Variants in QPRT observed in about 807,000 individuals in gnomAD.
QPRT encodes nicotinate-nucleotide pyrophosphorylase [carboxylating].
A neutral mutation model predicts 19.8 loss-of-function variants in QPRT; 17 were observed. The observed-to-expected ratio is 0.86, with a 90% confidence interval of 0.59 to 1.29. The LOEUF (loss-of-function observed/expected upper bound fraction) is 1.29. QPRT is among the 50% of genes most tolerant of loss of function. The probability of loss-of-function intolerance (pLI) is 0.00; values close to 1 mark genes in which losing one functional copy is unlikely to be tolerated. For synonymous variants in QPRT, 178 were observed against 191.0 expected (o/e 0.93, Z 0.56); for missense variants, 336 against 405.1 (o/e 0.83, Z 1.46).
At position 29,695,167 on chromosome 16, in the gene QPRT, A is replaced by T; in HGVS notation, c.517A>T (p.Asn173Tyr). ...DLGGLVMVKD[N>Y]HVVAAGGVEK... Reference sequence around the variant, plus strand: ...GGGAGGGCTGGTGATGGTGAAGGATAACCATGTGGTGGCCGCCGGTGGCGT... The same window carrying T: ...GGGAGGGCTGGTGATGGTGAAGGATTACCATGTGGTGGCCGCCGGTGGCGT... The change falls in exon 2 of 4, where the codon AAC (asparagine) becomes TAC (tyrosine). Residue 173 changes from asparagine to tyrosine, a missense_variant. By Grantham distance (143) the Asn-to-Tyr change is moderately radical (BLOSUM62 -2). Coordinates refer to ENST00000395384, the MANE Select transcript of QPRT (RefSeq NM_014298.6). The T allele has an allele frequency of 1.3e-6, 2 of 1,567,098 alleles. No individual in the cohort carries two copies. Among genetic ancestry groups the T allele is most frequent in the Non-Finnish European group, 1.7e-6 (2 of 1,156,056 alleles).
At chr16:29,686,758 G>T (rs1440231538) in intron 1 of QPRT, among the ~76,000 whole-genome samples, 1 of 151,910 alleles carries the variant, frequency 6.6e-6, no homozygotes, top group Admixed American at 6.6e-5. Context: ...CACTTGCCTC[G>T]GCCTCCCAAA....
In QPRT at chr16:29,695,211, G is replaced by A. The variant is rs903871075; in HGVS notation, c.549+12G>A. ...GTGGCGTGGAGAAGGTGCTGGTCCTGCCTGTCCCTGGTCCAACCCCACCCT... is the reference window on the plus strand; with the variant it reads ...GTGGCGTGGAGAAGGTGCTGGTCCTACCTGTCCCTGGTCCAACCCCACCCT... On this transcript the variant is annotated intron_variant, in intron 2 of 3. Transcript: ENST00000395384. 17 of 1,523,592 alleles carry A rather than the reference G, an allele frequency of 1.1e-5. No homozygotes were observed. Among genetic ancestry groups the A allele is most frequent in the Non-Finnish European group, 1.5e-5 (17 of 1,133,034 alleles). 94.4% of individuals were successfully genotyped at this position (1,523,592 alleles called of 1,614,324 possible).
intron 1 of QPRT, among the ~76,000 whole-genome samples, chr16:29,684,999 A>G (rs1215538130): frequency 6.6e-6 from 1 of 152,014 alleles, no homozygotes; most frequent in East Asian, 1.9e-4. Context: ...CTTCTCCTGG[A>G]ATGACTCCTT....
At chr16:29,687,613 G>A (rs1967199473) in intron 1 of QPRT, among the ~76,000 whole-genome samples, 1 of 152,128 alleles carries the variant, frequency 6.6e-6, no homozygotes, top group African/African-American at 2.4e-5. Flanking sequence ...CAGGCATGGT[G>A]GCACATGCCT....
At chr16:29,688,782 CTTT>C (rs201491801) in intron 1 of QPRT, among the ~76,000 whole-genome samples, 6 of 133,808 alleles carry the variant, frequency 4.5e-5, no homozygotes, top group South Asian at 2.4e-4. Flanking sequence ...TTTTTATTCT[CTTT>C]TTTTTTTTTT....
In QPRT at chr16:29,697,117, T is replaced by C; in HGVS notation, c.671T>C (p.Phe224Ser). Residue 224 changes from phenylalanine to serine, a missense_variant, in exon 3 of 4, where the codon TTC becomes TCC. Coordinates refer to ENST00000395384, the MANE Select transcript of QPRT (RefSeq NM_014298.6). This position sits in a 1 kb window ranked among gnomAD's most constrained non-coding sequence, Gnocchi z 4.4. ...GCCGACCTTGTCCTGCTGGACAACT[T>C]CAAGCCAGAGGTAAGGTGGGCTCTG... Reference protein sequence around the residue: ...AGADLVLLDNFKPEELHPTAT... With the variant: ...AGADLVLLDNSKPEELHPTAT... 1 of 1,606,850 alleles carries C rather than the reference T, an allele frequency of 6.2e-7. No homozygotes were observed. The highest frequency in any genetic ancestry group is 8.5e-7 in the Non-Finnish European group (1 of 1,175,082).
chr16:29,679,585 A>G (rs531071311), intron 1 of QPRT, among the ~76,000 whole-genome samples: 1 of 151,942 alleles, frequency 6.6e-6, no homozygotes, highest in Non-Finnish European at 1.5e-5. Flanking sequence ...AAGCAGAGAC[A>G]AAGTCCTGTC....
chr16:29,679,115 C>T (rs770548325), upstream of QPRT: 5 of 1,612,754 alleles, frequency 3.1e-6, no homozygotes, highest in Non-Finnish European at 4.2e-6. Context: ...TCCCTCCCTC[C>T]ACAGTCCCAC....
At chr16:29,684,906 G>A (rs1596787946) in intron 1 of QPRT, among the ~76,000 whole-genome samples, 1 of 152,066 alleles carries the variant, frequency 6.6e-6, no homozygotes, top group African/African-American at 2.4e-5. Context: ...GGGTGCCCGC[G>A]GCTGGCACGC....
At chr16:29,679,278 T>G in intron 1 of QPRT, 68 bp downstream of exon 1, 1 of 1,284,354 alleles carries the variant, frequency 7.8e-7, no homozygotes, top group South Asian at 1.3e-5. Flanking sequence ...GCCCCCACCC[T>G]GGCTTGTCTC....
intron 1 of QPRT, among the ~76,000 whole-genome samples, chr16:29,681,590 G>A (rs1596784591): frequency 1.4e-5 from 2 of 138,674 alleles, no homozygotes; most frequent in South Asian, 2.4e-4. Flanking sequence ...TCTGCCTCCC[G>A]GGTTCAAGCG....
intron 1 of QPRT, among the ~76,000 whole-genome samples, chr16:29,682,017 C>T (rs1214012715): frequency 2.0e-5 from 3 of 151,618 alleles, no homozygotes; most frequent in Non-Finnish European, 4.4e-5. Flanking sequence ...TGTGAGCCAC[C>T]GCACCCGGCC....
At chr16:29,679,149 C>A, upstream of QPRT, 1 of 1,613,752 alleles carries the variant, frequency 6.2e-7, no homozygotes, top group South Asian at 1.1e-5. Context: ...CCTCTGGGAG[C>A]CTTGGTCCTG....
At chr16:29,691,800 TC>T (rs1382043370) in intron 1 of QPRT, among the ~76,000 whole-genome samples, 3 of 152,092 alleles carry the variant, frequency 2.0e-5, no homozygotes, top group African/African-American at 7.2e-5. Flanking sequence ...ACAGGAGCCA[TC>T]TGGGGCAGAT....
intron 1 of QPRT, among the ~76,000 whole-genome samples, chr16:29,685,148 T>C (rs1400203531): frequency 1.3e-5 from 2 of 152,166 alleles, no homozygotes; most frequent in African/African-American, 4.8e-5. Context: ...TCCATCTCTT[T>C]TGGTTTTTTT....
intron 1 of QPRT, among the ~76,000 whole-genome samples, chr16:29,686,849 G>T (rs1270530029): frequency 6.6e-6 from 1 of 152,164 alleles, no homozygotes; most frequent in African/African-American, 2.4e-5. Flanking sequence ...GCTTCCCAGA[G>T]TGCTGGGATT....
intron 1 of QPRT, 60 bp downstream of exon 1, chr16:29,679,270 C>A: frequency 1.5e-6 from 2 of 1,361,466 alleles, no homozygotes; most frequent in Non-Finnish European, 2.1e-6. Context: ...CTACCCCTGC[C>A]CCCACCCTGG....
intron 1 of QPRT, among the ~76,000 whole-genome samples, chr16:29,693,837 G>T (rs770260573): frequency 6.6e-6 from 1 of 152,032 alleles, no homozygotes; most frequent in East Asian, 1.9e-4. Context: ...TGATCCTCCC[G>T]CCTTGGCCTC....
At chr16:29,684,822 G>A (rs1224873031) in intron 1 of QPRT, among the ~76,000 whole-genome samples, 1 of 152,220 alleles carries the variant, frequency 6.6e-6, no homozygotes, top group Non-Finnish European at 1.5e-5. Flanking sequence ...AACGCTTTGG[G>A]ATTCAGCTTC....
Sources: gnomAD v4.1 joint callset for allele counts (sites outside exome capture counted in the v4.1 genomes callset) on GRCh38, gnomAD v4.1.1 for gene constraint, Gnocchi (gnomAD v3.1) non-coding constraint, MANE v1.5 for transcripts, NCBI Gene and HGNC (gene_info 2026-07-23, HGNC 2026-07-21) for gene names.